PDE11A: variants seen among roughly 807,000 people sequenced by gnomAD.
The protein encoded by PDE11A is dual 3',5'-cyclic-AMP and -GMP phosphodiesterase 11A.
A neutral mutation model predicts 100.5 loss-of-function variants in PDE11A; 100 were observed. That is an observed-to-expected ratio of 1.00 (90% CI 0.85 to 1.18). The LOEUF is 1.18. PDE11A is among the 50% of genes most tolerant of loss of function. The pLI is 0.00. For synonymous variants in PDE11A, 381 were observed against 420.8 expected (o/e 0.91, Z 1.16); for missense variants, 1,141 against 1,152.6 (o/e 0.99, Z 0.15).
chr2:177,974,452 T>A (rs1297851970), intron 2 of PDE11A, among the ~76,000 whole-genome samples: 3 of 57,582 alleles, frequency 5.2e-5, no homozygotes, highest in Non-Finnish European at 2.9e-5. Flanking sequence ...AGACCAAATC[T>A]ACGTCTGATT....
intron 19 of PDE11A, among the ~76,000 whole-genome samples, chr2:177,659,875 A>G (rs561114048): frequency 6.6e-6 from 1 of 152,208 alleles, no homozygotes; most frequent in African/African-American, 2.4e-5. Flanking sequence ...ATCAGATGTC[A>G]ATGTATTCCT....
upstream of PDE11A, among the ~76,000 whole-genome samples, chr2:178,076,469 T>C (rs959985876): frequency 1.3e-5 from 2 of 152,216 alleles, no homozygotes; most frequent in African/African-American, 2.4e-5. Flanking sequence ...ATTTTGCTCA[T>C]GGTTACATTG....
chr2:177,930,647 C>G (rs1384250051), intron 2 of PDE11A, among the ~76,000 whole-genome samples: 2 of 152,236 alleles, frequency 1.3e-5, no homozygotes, highest in Non-Finnish European at 2.9e-5. Flanking sequence ...GATAAGAAAT[C>G]TCATCCCACA....
At chr2:178,020,923 T>TGG (rs1298481187) in intron 1 of PDE11A, among the ~76,000 whole-genome samples, 2,464 of 117,674 alleles carry the variant, frequency 0.021, 49 homozygotes, top group Middle Eastern at 0.065. Flanking sequence ...TTTTTTGTCT[T>TGG]GGTGTGTGTG....
intron 2 of PDE11A, among the ~76,000 whole-genome samples, chr2:177,966,116 C>T (rs1478208777): frequency 1.3e-5 from 2 of 152,056 alleles, no homozygotes; most frequent in Non-Finnish European, 2.9e-5. Flanking sequence ...TTCTGTGTGG[C>T]TATTGTGAAT....
intron 15 of PDE11A, among the ~76,000 whole-genome samples, chr2:177,690,764 C>T (rs767018813): frequency 1.3e-5 from 2 of 152,126 alleles, no homozygotes; most frequent in Admixed American, 6.5e-5. Flanking sequence ...TTTAGGAAGC[C>T]GATCTTAAAA....
Position 177,663,108 on chromosome 2 carries a change from AAGT to A in PDE11A, c.2646+755_2646+757del, listed in dbSNP as rs2080507251. Among the ~76,000 whole-genome samples the A allele has an allele frequency of 4.6e-5, 7 of 152,216 alleles. No individual in the cohort carries two copies. The South Asian group carries it at 1.5e-3, about 32-fold the overall frequency. On this transcript the variant is annotated intron_variant, in intron 19 of 19. Transcript: ENST00000286063. ...TTTACAAATGAAAGCAAATGCTTAG[AAGT>A]AGAATTAAAAGCCAATGTACAATAA...
At chr2:177,939,415 G>A (rs1239542969) in intron 2 of PDE11A, among the ~76,000 whole-genome samples, 1 of 142,106 alleles carries the variant, frequency 7.0e-6, no homozygotes, top group East Asian at 2.2e-4. Context: ...AAGGAGGGAA[G>A]GAAGAAGGAA....
At chr2:178,047,767 AATTAAC>A (rs769510348) in intron 1 of PDE11A, among the ~76,000 whole-genome samples, 1 of 152,152 alleles carries the variant, frequency 6.6e-6, no homozygotes, top group Non-Finnish European at 1.5e-5. Flanking sequence ...GTGTTTTCAT[AATTAAC>A]ATGGAATTTT....
rs865789176 is a variant in PDE11A, at chr2:178,098,988, C to G, written c.162+5314G>C. ...TTCCACCATTTATTAGCATAGAATC[C>G]TGGAAAAATCATGAATTAATTCAAA... On this transcript the variant is annotated intron_variant, in intron 2 of 20. Coordinates refer to the PDE11A transcript ENST00000358450. Among the ~76,000 whole-genome samples, 10 of 152,278 alleles carry G rather than the reference C, an allele frequency of 6.6e-5. No individual in the cohort carries two copies. In the Middle Eastern group the frequency reaches 0.01, roughly 155 times the overall value.
intron 2 of PDE11A, among the ~76,000 whole-genome samples, chr2:177,984,534 A>G (rs907270082): frequency 6.6e-6 from 1 of 152,204 alleles, no homozygotes; most frequent in Non-Finnish European, 1.5e-5. Context: ...TGTATGTTTC[A>G]GTTCCCAATT....
chr2:177,911,580 A>T (rs2084881624), intron 2 of PDE11A, among the ~76,000 whole-genome samples: 1 of 152,154 alleles, frequency 6.6e-6, no homozygotes, highest in African/African-American at 2.4e-5. Flanking sequence ...AATATAAAAC[A>T]TTGTTTTAAA....
intron 5 of PDE11A, among the ~76,000 whole-genome samples, chr2:177,859,875 G>T (rs190682904): frequency 5.3e-5 from 8 of 151,908 alleles, no homozygotes; most frequent in Non-Finnish European, 8.8e-5. Flanking sequence ...AAGAGTTAAA[G>T]AAGAAATCAA....
intron 9 of PDE11A, among the ~76,000 whole-genome samples, chr2:177,771,903 G>T (rs1256604499): frequency 6.6e-6 from 1 of 152,244 alleles, no homozygotes; most frequent in East Asian, 1.9e-4. Flanking sequence ...TTGGGAGGCT[G>T]AGGCGGGAGA....
intron 5 of PDE11A, among the ~76,000 whole-genome samples, chr2:177,875,182 G>A (rs753357822): frequency 1.2e-4 from 18 of 151,748 alleles, no homozygotes; most frequent in Non-Finnish European, 2.5e-4. Flanking sequence ...CAAGATTGCA[G>A]TGCTTCACTC....
chr2:177,658,719 C>CTTTTTTTTTTTT (rs60062998), intron 19 of PDE11A, among the ~76,000 whole-genome samples: 1 of 141,558 alleles, frequency 7.1e-6, no homozygotes. Context: ...TGAGTGGTGT[C>CTTTTTTTTTTTT]TTTTTTTTTT....
chr2:177,834,737 T>C (rs1044126926), intron 6 of PDE11A, among the ~76,000 whole-genome samples: 2 of 152,188 alleles, frequency 1.3e-5, no homozygotes, highest in Non-Finnish European at 2.9e-5. Context: ...AAGAGGTTTC[T>C]CCCCCAGGAA....
chr2:178,017,269 C>A (rs2086350536), intron 1 of PDE11A, among the ~76,000 whole-genome samples: 1 of 152,170 alleles, frequency 6.6e-6, no homozygotes, highest in Non-Finnish European at 1.5e-5. Context: ...ATGTTCACTG[C>A]AACATCAATT....
chr2:177,898,936 C>A (rs13398604), intron 3 of PDE11A, among the ~76,000 whole-genome samples: 5,762 of 152,228 alleles, frequency 0.038, 376 homozygotes, highest in African/African-American at 0.13. Context: ...ACATTTACCC[C>A]ATTTCTCTGG....
Sources: gnomAD v4.1 joint callset for allele counts (sites outside exome capture counted in the v4.1 genomes callset) on GRCh38, gnomAD v4.1.1 for gene constraint, MANE v1.5 for transcripts, NCBI Gene and HGNC (gene_info 2026-07-23, HGNC 2026-07-21) for gene names.